The following FOXP2 variants were observed in gnomAD, a reference collection of about 807,000 sequenced individuals.
FOXP2 encodes the protein forkhead box protein P2.
FOXP2 carries 12 observed loss-of-function variants against 115.8 expected under a neutral mutation model. The ratio of observed to expected loss-of-function variants is 0.10; its 90% CI spans 0.07 to 0.17. The LOEUF (loss-of-function observed/expected upper bound fraction) is 0.17, where lower values mean the gene tolerates loss of function less well. FOXP2 is among the 10% of genes least tolerant of loss of function. FOXP2 has a pLI of 1.00. For synonymous variants in FOXP2, 328 were observed against 297.7 expected, an observed-to-expected ratio of 1.10 and a Z score of -1.05; for missense variants, 629 against 843.5, an observed-to-expected ratio of 0.75 and a Z score of 3.15.
chr7:114,293,359 G>A (rs1266726857), intron 2 of FOXP2, among the ~76,000 whole-genome samples: 1 of 151,984 alleles, frequency 6.6e-6, no homozygotes, highest in East Asian at 1.9e-4. Context: ...TGCTCTGGGG[G>A]AGGCTGGCTG....
intron 3 of FOXP2, among the ~76,000 whole-genome samples, chr7:114,627,590 G>A (rs1291944609): frequency 6.6e-6 from 1 of 151,844 alleles, no homozygotes; most frequent in East Asian, 1.9e-4. Flanking sequence ...TCTTTCTCTA[G>A]GGCTTTCCCA....
chr7:114,616,429 C>T (rs1016167619), intron 3 of FOXP2, among the ~76,000 whole-genome samples: 4 of 152,228 alleles, frequency 2.6e-5, no homozygotes, highest in African/African-American at 9.6e-5. Context: ...TCCCAAAGTG[C>T]TGGGATTACA....
intron 1 of FOXP2, among the ~76,000 whole-genome samples, chr7:114,205,775 C>T (rs1025875318): frequency 6.6e-6 from 1 of 152,134 alleles, no homozygotes; most frequent in Non-Finnish European, 1.5e-5. Context: ...TCAAGTTCTC[C>T]CTTATTCATG....
chr7:114,394,408 C>T (rs889414165), intron 2 of FOXP2, among the ~76,000 whole-genome samples: 1 of 151,860 alleles, frequency 6.6e-6, no homozygotes, highest in Non-Finnish European at 1.5e-5. Context: ...CACACACACA[C>T]ACACACACAC....
At chr7:114,307,462 G>T (rs1489369347) in intron 2 of FOXP2, among the ~76,000 whole-genome samples, 5 of 152,098 alleles carry the variant, frequency 3.3e-5, no homozygotes, top group Non-Finnish European at 5.9e-5. Flanking sequence ...ACCAATAATT[G>T]CAGGGGGAAA....
chr7:114,439,596 A>T (rs1010242072), intron 2 of FOXP2, among the ~76,000 whole-genome samples: 2 of 152,064 alleles, frequency 1.3e-5, no homozygotes, highest in Non-Finnish European at 2.9e-5. Flanking sequence ...GGCTGGATGG[A>T]GTGCAGTGGC....
intron 2 of FOXP2, among the ~76,000 whole-genome samples, chr7:114,377,219 T>C (rs910601601): frequency 2.0e-5 from 3 of 152,168 alleles, no homozygotes; most frequent in Non-Finnish European, 4.4e-5. Context: ...TCAAGGTGGA[T>C]TGGAAAACAA....
At chr7:114,196,430 G>T (rs780981254) in intron 1 of FOXP2, among the ~76,000 whole-genome samples, 2 of 152,150 alleles carry the variant, frequency 1.3e-5, no homozygotes, top group Non-Finnish European at 2.9e-5. Flanking sequence ...CAAACCTGGT[G>T]ATTATTAAAC....
intron 2 of FOXP2, among the ~76,000 whole-genome samples, chr7:114,368,400 T>C (rs541169420): frequency 6.6e-6 from 1 of 152,316 alleles, no homozygotes; most frequent in South Asian, 2.1e-4. Context: ...AGTGCCATTT[T>C]GAAACTATAG....
chr7:114,145,629 A>G (rs900023878), intron 1 of FOXP2, among the ~76,000 whole-genome samples: 5 of 151,902 alleles, frequency 3.3e-5, no homozygotes, highest in African/African-American at 9.7e-5. Context: ...CTGGGATTAC[A>G]GGCGCGTGCA....
intron 1 of FOXP2, among the ~76,000 whole-genome samples, chr7:114,156,544 GTGT>G (rs1792677049): frequency 6.6e-6 from 1 of 152,078 alleles, no homozygotes; most frequent in African/African-American, 2.4e-5. Flanking sequence ...TTCCCACTTT[GTGT>G]TGTTCCACCT....
chr7:114,423,080 A>C (rs1793687838), intron 1 of FOXP2, among the ~76,000 whole-genome samples: 2 of 151,760 alleles, frequency 1.3e-5, no homozygotes, highest in African/African-American at 4.8e-5. Context: ...AAGAAATGGC[A>C]TGAATTGCTG....
chr7:114,628,524 T>C lies in FOXP2; in HGVS notation c.259-16T>C, dbSNP rs1190910937. 1.2e-6 allele frequency: 2 copies of C among 1,613,936 alleles called. No individual in the cohort carries two copies. The highest frequency in any genetic ancestry group is 2.2e-5 in the East Asian group (1 of 44,882). On this transcript the variant is annotated splice_polypyrimidine_tract_variant and intron_variant, in intron 3 of 16. Transcript: ENST00000350908. ...TATGACCACGAATTTTCTTTCTCTT[T>C]CTCTTTCTGTGCAAGGTGCCTGTGT...
chr7:114,201,080 C>T (rs1918835), intron 1 of FOXP2, among the ~76,000 whole-genome samples: 4,562 of 152,022 alleles, frequency 0.03, 417 homozygotes, highest in East Asian at 0.26. Context: ...CTCTTGAATC[C>T]GGGAGGCAGA....
At chr7:114,490,412 G>A (rs1796985340) in intron 2 of FOXP2, among the ~76,000 whole-genome samples, 2 of 152,156 alleles carry the variant, frequency 1.3e-5, no homozygotes, top group Non-Finnish European at 1.5e-5. Flanking sequence ...GGGGCTCAGG[G>A]AGGTAGGGAT....
chr7:114,563,574 C>T (rs1272640339), intron 3 of FOXP2, among the ~76,000 whole-genome samples: 1 of 152,174 alleles, frequency 6.6e-6, no homozygotes, highest in Non-Finnish European at 1.5e-5. Context: ...GATGCTGACC[C>T]ACAAGGTGGG....
rs904948511 is a variant in FOXP2, at chr7:114,538,467, T to C, written c.258+3761T>C. ...TCCTTCATTGTAGGTTAATATATAA[T>C]ATAAAGTTCTCCTTTCTAATAGGTA... On this transcript the variant is annotated intron_variant, in intron 3 of 16. Coordinates refer to ENST00000350908, the MANE Select transcript of FOXP2 (RefSeq NM_014491.4). The C allele has an allele frequency of 5.4e-6, 4 of 738,632 alleles. No individual in the cohort carries two copies. The African/African-American group carries it at 5.6e-5, about 10-fold the overall frequency. 45.8% of individuals were successfully genotyped at this position (738,632 alleles called of 1,614,324 possible).
intron 1 of FOXP2, among the ~76,000 whole-genome samples, chr7:114,237,472 T>A (rs969440038): frequency 1.3e-5 from 2 of 152,312 alleles, no homozygotes; most frequent in African/African-American, 4.8e-5. Context: ...CCATGCATTG[T>A]AATATACAAT....
chr7:114,484,851 A>C (rs1480658455), intron 2 of FOXP2, among the ~76,000 whole-genome samples: 2 of 152,072 alleles, frequency 1.3e-5, no homozygotes, highest in South Asian at 4.1e-4. Context: ...TTAGCTATAA[A>C]GAATAGCTTT....
Sources: gnomAD v4.1 joint callset for allele counts (sites outside exome capture counted in the v4.1 genomes callset) on GRCh38, gnomAD v4.1.1 for gene constraint, MANE v1.5 for transcripts, NCBI Gene and HGNC (gene_info 2026-07-23, HGNC 2026-07-21) for gene names.